WWOX: variants seen among roughly 807,000 people sequenced by gnomAD.
WWOX encodes the protein WW domain containing oxidoreductase.
WWOX carries 69 observed loss-of-function variants against 46.2 expected under a neutral mutation model. The observed-to-expected ratio is 1.49, with a 90% CI of 1.23 to 1.82. The LOEUF (loss-of-function observed/expected upper bound fraction) is 1.82. Among genes scored for constraint, WWOX ranks in the 40% most tolerant of loss-of-function variants. The pLI, the probability that WWOX is intolerant of heterozygous loss-of-function variation, is 0.00. For synonymous variants in WWOX, 359 were observed against 202.6 expected (o/e 1.77, Z -6.56); for missense variants, 919 against 542.6 (o/e 1.69, Z -6.89).
chr16:78,757,016 G>A (rs1042949708), intron 8 of WWOX: 2 of 700,758 alleles, frequency 2.9e-6, no homozygotes, highest in Admixed American at 2.0e-5. Flanking sequence ...CAACAGCCAT[G>A]TGAGTGAACC....
At chr16:78,590,845 G>C (rs1208697427) in intron 8 of WWOX, among the ~76,000 whole-genome samples, 1 of 152,168 alleles carries the variant, frequency 6.6e-6, no homozygotes, top group Non-Finnish European at 1.5e-5. Flanking sequence ...GATGGTTGCA[G>C]AGGAGTTGTT....
At chr16:78,424,738 C>G in intron 6 of WWOX, 132 bp from the exon 7 acceptor site, 2 of 1,041,860 alleles carry the variant, frequency 1.9e-6, no homozygotes, top group Non-Finnish European at 3.0e-6. Context: ...AAGAATTTCT[C>G]ATTCCCGAAG....
At chr16:78,684,482 C>T (rs918582479) in intron 8 of WWOX, among the ~76,000 whole-genome samples, 1 of 152,172 alleles carries the variant, frequency 6.6e-6, no homozygotes, top group Non-Finnish European at 1.5e-5. Flanking sequence ...AATTCCTCTC[C>T]ACCCCACCCA....
At chr16:78,384,745 A>G (rs1445329518) in intron 5 of WWOX, among the ~76,000 whole-genome samples, 1 of 152,204 alleles carries the variant, frequency 6.6e-6, no homozygotes, top group East Asian at 1.9e-4. Context: ...ACCCAAGACC[A>G]GGAATTTAAA....
rs150841745 is a variant in WWOX, at chr16:78,855,018, A to G, written c.1057-356590A>G. On this transcript the variant is annotated intron_variant, in intron 8 of 8. Coordinates refer to ENST00000566780, the MANE Select transcript of WWOX (RefSeq NM_016373.4). Reference sequence around the variant, plus strand: ...CATTATTTTATTTAAAAAAATCAGTATGATTCATCATAAATAAGTCAGGAC... The same window carrying G: ...CATTATTTTATTTAAAAAAATCAGTGTGATTCATCATAAATAAGTCAGGAC... 9.9e-5 allele frequency among the ~76,000 whole-genome samples: 15 copies of G among 151,732 alleles called. No homozygotes were observed. The East Asian group carries it at 2.7e-3, about 27-fold the overall frequency.
intron 3 of WWOX, among the ~76,000 whole-genome samples, chr16:78,114,248 G>A (rs969667841): frequency 2.0e-5 from 3 of 152,010 alleles, no homozygotes; most frequent in Admixed American, 2.0e-4. Flanking sequence ...CTACAGGCGT[G>A]TGCTATCACA....
intron 6 of WWOX, among the ~76,000 whole-genome samples, chr16:78,414,018 T>C (rs1055997437): frequency 2.0e-5 from 3 of 151,958 alleles, no homozygotes; most frequent in African/African-American, 7.2e-5. Flanking sequence ...CCTTAACTGA[T>C]GACATTCCAT....
intron 6 of WWOX, among the ~76,000 whole-genome samples, chr16:78,393,844 T>A (rs2082229535): frequency 6.6e-6 from 1 of 150,794 alleles, no homozygotes; most frequent in African/African-American, 2.5e-5. Flanking sequence ...AGTGGTGTTT[T>A]TTTAATTAAA....
At chr16:78,322,567 C>G (rs1299150389) in intron 5 of WWOX, among the ~76,000 whole-genome samples, 2 of 152,210 alleles carry the variant, frequency 1.3e-5, no homozygotes, top group Admixed American at 1.3e-4. Context: ...ATCGTACAGT[C>G]AGTGAGTGTG....
At chr16:78,806,726 C>T (rs1350949542) in intron 8 of WWOX, among the ~76,000 whole-genome samples, 1 of 152,124 alleles carries the variant, frequency 6.6e-6, no homozygotes, top group Non-Finnish European at 1.5e-5. Flanking sequence ...GGTTTTCCTG[C>T]ATTCTATTTT....
At chr16:78,848,293 T>C (rs1042937408) in intron 8 of WWOX, among the ~76,000 whole-genome samples, 8 of 150,644 alleles carry the variant, frequency 5.3e-5, no homozygotes, top group Admixed American at 4.0e-4. Context: ...ATGTTGTTGT[T>C]AATGTTGAAA....
chr16:78,474,651 C>G (rs2084313206), intron 8 of WWOX, among the ~76,000 whole-genome samples: 1 of 141,352 alleles, frequency 7.1e-6, no homozygotes, highest in Non-Finnish European at 1.5e-5. Context: ...TCAGTCTATT[C>G]AGAGTTGTGC....
chr16:78,712,093 G>C (rs1004242846), intron 8 of WWOX, among the ~76,000 whole-genome samples: 9 of 152,058 alleles, frequency 5.9e-5, no homozygotes, highest in African/African-American at 1.7e-4. Flanking sequence ...ATCCATTCCT[G>C]TATCCTTTGT....
chr16:78,396,670 C>A (rs1839890889), intron 6 of WWOX, among the ~76,000 whole-genome samples: 1 of 152,158 alleles, frequency 6.6e-6, no homozygotes, highest in African/African-American at 2.4e-5. Flanking sequence ...TTATGTAAAG[C>A]ACTAGACTAG....
chr16:78,422,710 T>C lies in WWOX; in HGVS notation c.606-2160T>C, dbSNP rs199667649. Among the ~76,000 whole-genome samples the C allele has an allele frequency of 1.5e-3, 126 of 83,898 alleles. 7 individuals carry two copies. Among genetic ancestry groups the C allele is most frequent in the East Asian group, 2.8e-3 (9 of 3,174 alleles). The allele number at this position is 83,898 out of a possible 152,430, so 55.0% of individuals were successfully genotyped here. ...ACACACACACACACACATATATATA[T>C]ACACACACACATATATATATACACA... On this transcript the variant is annotated intron_variant, in intron 6 of 8. Transcript: ENST00000566780.
At chr16:78,783,868 G>T (rs529803565) in intron 8 of WWOX, among the ~76,000 whole-genome samples, 15 of 125,912 alleles carry the variant, frequency 1.2e-4, no homozygotes, top group African/African-American at 4.3e-4. Flanking sequence ...CGCTGATGAT[G>T]GTGATGACGA....
At chr16:79,113,873 A>G (rs2049461772) in intron 8 of WWOX, among the ~76,000 whole-genome samples, 2 of 152,198 alleles carry the variant, frequency 1.3e-5, no homozygotes, top group African/African-American at 2.4e-5. Context: ...GTAATCTTGA[A>G]CCAGGGTCTC....
At chr16:78,769,108 A>G (rs891375999) in intron 8 of WWOX, among the ~76,000 whole-genome samples, 2 of 152,222 alleles carry the variant, frequency 1.3e-5, no homozygotes, top group Non-Finnish European at 2.9e-5. Context: ...CTGGCATTTG[A>G]TAGTGAGGTA....
At chr16:78,113,637 A>G (rs973610817) in intron 3 of WWOX, among the ~76,000 whole-genome samples, 2 of 151,974 alleles carry the variant, frequency 1.3e-5, no homozygotes, top group Non-Finnish European at 2.9e-5. Flanking sequence ...CTTCAGGGGG[A>G]AAAAAGCCAC....
Sources: gnomAD v4.1 joint callset for allele counts (sites outside exome capture counted in the v4.1 genomes callset) on GRCh38, gnomAD v4.1.1 for gene constraint, MANE v1.5 for transcripts, NCBI Gene and HGNC (gene_info 2026-07-23, HGNC 2026-07-21) for gene names.